ALMS1: variants seen among roughly 807,000 people sequenced by gnomAD.
The protein encoded by ALMS1 is ALMS1 centrosome and basal body associated protein, also known as centrosome-associated protein ALMS1.
A neutral mutation model predicts 352.2 loss-of-function variants in ALMS1; 271 were observed. That is an observed-to-expected ratio of 0.77 (90% confidence interval 0.70 to 0.85). The LOEUF is 0.85. Ranked by LOEUF, ALMS1 falls within the 40% of genes least tolerant of loss-of-function variation. The pLI is 0.00. For missense variants in ALMS1, 5,445 were observed against 4,870.7 expected (o/e 1.12, Z -3.51); for synonymous variants, 1,865 against 1,761.2 (o/e 1.06, Z -1.48).
chr2:73,485,773 G>T (rs189151867), intron 9 of ALMS1, among the ~76,000 whole-genome samples: 11 of 152,166 alleles, frequency 7.2e-5, no homozygotes, highest in Non-Finnish European at 1.5e-4. Context: ...GTATAATCTC[G>T]TGGTGCGCCG....
At chr2:73,413,537 C>G (rs1350127724) in intron 2 of ALMS1, among the ~76,000 whole-genome samples, 1 of 152,152 alleles carries the variant, frequency 6.6e-6, no homozygotes, top group Non-Finnish European at 1.5e-5. Flanking sequence ...GGCCTCTTCC[C>G]ACTAGATACC....
At chr2:73,468,611 T>C (rs1672406847) in intron 9 of ALMS1, among the ~76,000 whole-genome samples, 1 of 152,032 alleles carries the variant, frequency 6.6e-6, no homozygotes, top group Non-Finnish European at 1.5e-5. Context: ...TTGATTACTC[T>C]GAGTACTTCC....
intron 9 of ALMS1, among the ~76,000 whole-genome samples, chr2:73,464,779 A>G (rs1297246936): frequency 6.6e-6 from 1 of 152,226 alleles, no homozygotes; most frequent in Non-Finnish European, 1.5e-5. Context: ...TACAAAAATC[A>G]CAAGCATTCT....
At position 73,448,032 on chromosome 2, in the gene ALMS1, T is replaced by G. The variant is rs1431297709; in HGVS notation, c.1505T>G (p.Val502Gly). The change falls in exon 8 of 23, where the codon GTT (valine) becomes GGT (glycine). Residue 502 changes from valine to glycine, a missense_variant. Coordinates refer to ENST00000613296, the MANE Select transcript of ALMS1 (RefSeq NM_001378454.1). ...AAGTCAGGCATCACTACCACTCCTG[T>G]TGATTCAGACATTGGATCTCATTTA... ...NLKSGITTTP[V>G]DSDIGSHLSL... The G allele has an allele frequency of 6.2e-7, 1 of 1,613,954 alleles. No homozygotes were observed. The highest frequency in any genetic ancestry group is 1.1e-5 in the South Asian group (1 of 91,062).
At chr2:73,571,908 T>TAA (rs138556223) in intron 15 of ALMS1, among the ~76,000 whole-genome samples, 1 of 148,240 alleles carries the variant, frequency 6.7e-6, no homozygotes, top group African/African-American at 2.5e-5. Context: ...CAGGATTAAT[T>TAA]AAAAAAAAAA....
intron 2 of ALMS1, among the ~76,000 whole-genome samples, chr2:73,415,398 A>G (rs974802995): frequency 2.6e-5 from 4 of 152,148 alleles, no homozygotes; most frequent in Admixed American, 2.0e-4. Flanking sequence ...GGAGAATCAC[A>G]TAGGAAGGAA....
At chr2:73,387,552 TGA>T (rs1253166308) in intron 1 of ALMS1, among the ~76,000 whole-genome samples, 2 of 151,464 alleles carry the variant, frequency 1.3e-5, no homozygotes, top group African/African-American at 2.4e-5. Context: ...GTACTGTTGA[TGA>T]GAGAGAGCAT....
At chr2:73,595,473 A>G (rs542497171) in intron 16 of ALMS1, among the ~76,000 whole-genome samples, 13 of 152,186 alleles carry the variant, frequency 8.5e-5, no homozygotes, top group African/African-American at 2.9e-4. Context: ...AGTATGCATC[A>G]GTGGTTCCTT....
intron 2 of ALMS1, among the ~76,000 whole-genome samples, chr2:73,415,989 A>G (rs79817414): frequency 6.6e-6 from 1 of 152,182 alleles, no homozygotes; most frequent in Non-Finnish European, 1.5e-5. Flanking sequence ...GGAACTAGAG[A>G]GTAAGTGATC....
intron 2 of ALMS1, among the ~76,000 whole-genome samples, chr2:73,410,404 A>C (rs560677991): frequency 2.6e-4 from 39 of 152,038 alleles, no homozygotes; most frequent in South Asian, 6.3e-4. Flanking sequence ...AAGCAAAAAA[A>C]CCCAAGAAAA....
chr2:73,423,007 A>C, intron 4 of ALMS1, 33 bp downstream of exon 4: 1 of 1,537,326 alleles, frequency 6.5e-7, no homozygotes, highest in Non-Finnish European at 9.0e-7. Context: ...AACCTTTCTC[A>C]CTTCTTGTTC....
Position 73,450,812 on chromosome 2 carries a change from T to C in ALMS1, c.4285T>C (p.Tyr1429His). 6.2e-7 allele frequency: 1 copy of C among 1,613,856 alleles called. No homozygotes were observed. Among genetic ancestry groups the C allele is most frequent in the Non-Finnish European group, 8.5e-7 (1 of 1,179,914 alleles). ...GATACCAACTTTACCCTCTACTTTC[T>C]ACTCACACACAGAGAAGCCTGGTAG... ...TGIPTLPSTF[Y>H]SHTEKPGSFY... Residue 1429 changes from tyrosine (Y) to histidine (H), a missense_variant, in exon 8 of 23, where the codon TAC (tyrosine) becomes CAC (histidine). Coordinates refer to ENST00000613296, the MANE Select transcript of ALMS1 (RefSeq NM_001378454.1).
At chr2:73,445,397 C>A (rs1185128772) in intron 7 of ALMS1, among the ~76,000 whole-genome samples, 1 of 152,074 alleles carries the variant, frequency 6.6e-6, no homozygotes, top group African/African-American at 2.4e-5. Flanking sequence ...CCTTCCCAGC[C>A]CCGTTACAGA....
intron 9 of ALMS1, among the ~76,000 whole-genome samples, chr2:73,485,813 T>G (rs1037790217): frequency 2.0e-5 from 3 of 152,154 alleles, no homozygotes; most frequent in African/African-American, 4.8e-5. Flanking sequence ...AAGCGCAGTA[T>G]TCGGGTGGGA....
At chr2:73,436,202 C>T (rs1163853461) in intron 7 of ALMS1, among the ~76,000 whole-genome samples, 1 of 152,158 alleles carries the variant, frequency 6.6e-6, no homozygotes, top group Non-Finnish European at 1.5e-5. Context: ...TTGAATATGT[C>T]TCTTCACTAT....
Position 73,559,113 on chromosome 2 carries a change from A to G in ALMS1, c.10355A>G (p.Asn3452Ser). 2 of 1,613,888 alleles carry G rather than the reference A, an allele frequency of 1.2e-6. No individual in the cohort carries two copies. The highest frequency in any genetic ancestry group is 1.7e-6 in the Non-Finnish European group (2 of 1,179,878). ...KTVPEEAWPN[N>S]KESLQINIEE... ...GTTCCCGAGGAAGCCTGGCCAAACA[A>G]TAAAGAATCCCTACAGATCAATATT... is the stretch of plus-strand genomic sequence containing the variant. Residue 3452 changes from asparagine (N) to serine (S), a missense_variant, in exon 15 of 23, where the codon AAT becomes AGT. Transcript: ENST00000613296.
At chr2:73,522,343 T>A (rs1456037004) in intron 11 of ALMS1, among the ~76,000 whole-genome samples, 1 of 152,184 alleles carries the variant, frequency 6.6e-6, no homozygotes, top group Non-Finnish European at 1.5e-5. Flanking sequence ...ATCAGTATTC[T>A]AACAATAACT....
intron 21 of ALMS1, 180 bp downstream of exon 21, chr2:73,603,484 T>C: frequency 4.8e-6 from 3 of 624,226 alleles, no homozygotes; most frequent in Non-Finnish European, 8.6e-6. Flanking sequence ...ATGGTATGAA[T>C]GACTCATATG....
At chr2:73,460,644 G>A (rs1171441114) in intron 9 of ALMS1, among the ~76,000 whole-genome samples, 1 of 152,222 alleles carries the variant, frequency 6.6e-6, no homozygotes, top group Non-Finnish European at 1.5e-5. Flanking sequence ...GCGAGGCATT[G>A]CCTCACTCGG....
Sources: gnomAD v4.1 joint callset for allele counts (sites outside exome capture counted in the v4.1 genomes callset) on GRCh38, gnomAD v4.1.1 for gene constraint, MANE v1.5 for transcripts, NCBI Gene and HGNC (gene_info 2026-07-23, HGNC 2026-07-21) for gene names.